FXYD7: variants seen among roughly 807,000 people sequenced by gnomAD.
FXYD7 encodes the protein FXYD domain containing ion transport regulator 7, also known as FXYD domain-containing ion transport regulator 7.
A neutral mutation model predicts 15.3 loss-of-function variants in FXYD7; 7 were observed. That is an observed-to-expected ratio of 0.46 (90% confidence interval 0.26 to 0.86). FXYD7 has a LOEUF of 0.86. Ranked by LOEUF, FXYD7 falls within the 40% of genes least tolerant of loss-of-function variation. The probability of loss-of-function intolerance (pLI) is 0.16; values close to 1 mark genes in which losing one functional copy is unlikely to be tolerated. For missense variants in FXYD7, 78 were observed against 100.6 expected (o/e 0.78, Z 0.96); for synonymous variants, 39 against 39.3 (o/e 0.99, Z 0.03).
Position 35,151,336 on chromosome 19 carries a change from C to T in FXYD7, c.136+8C>T, listed in dbSNP as rs368340429. On this transcript the variant is annotated splice_region_variant and intron_variant, in intron 3 of 5. Coordinates refer to ENST00000270310, the MANE Select transcript of FXYD7 (RefSeq NM_022006.2). ...GTATCCTCATCGTCATCAGTAAGTG[C>T]GACCCATTCCTGGGCTGCCTCAGCC... 29 of 1,599,198 alleles carry T rather than the reference C, an allele frequency of 1.8e-5. No individual in the cohort carries two copies. In the East Asian group the frequency reaches 2.0e-4, roughly 11 times the overall value.
At chr19:35,144,310 C>T (rs1393474697) in intron 1 of FXYD7, among the ~76,000 whole-genome samples, 3 of 152,102 alleles carry the variant, frequency 2.0e-5, no homozygotes, top group African/African-American at 7.2e-5. Flanking sequence ...CACCTAGCTG[C>T]CCCTACTGCC....
intron 2 of FXYD7, among the ~76,000 whole-genome samples, chr19:35,150,626 T>A (rs2065306393): frequency 6.6e-6 from 1 of 152,026 alleles, no homozygotes; most frequent in African/African-American, 2.4e-5. Context: ...GAACAGCCAG[T>A]GCAAAGGCCT....
At position 35,143,799 on chromosome 19, in the gene FXYD7, C is replaced by T. The variant is rs1179332468; in HGVS notation, c.31+435C>T. 6.6e-6 allele frequency among the ~76,000 whole-genome samples: 1 copy of T among 152,152 alleles called. No homozygotes were observed. Among genetic ancestry groups the T allele is most frequent in the Non-Finnish European group, 1.5e-5 (1 of 68,016 alleles). ...GTTCATGTCCCTCTTCTTTCCAGTG[C>T]TGTCTCCTAGGGTGTCTGTTTCCTG... is the stretch of plus-strand genomic sequence containing the variant. On this transcript the variant is annotated intron_variant, in intron 1 of 5. Coordinates refer to ENST00000270310, the MANE Select transcript of FXYD7 (RefSeq NM_022006.2). The surrounding 1 kb of genome is among the most constrained non-coding windows in gnomAD (Gnocchi z 4.3).
At chr19:35,149,134 AC>A (rs569238083) in intron 2 of FXYD7, 80 of 437,348 alleles carry the variant, frequency 1.8e-4, no homozygotes, top group African/African-American at 1.4e-3. Context: ...AATAGTTCCC[AC>A]CTATGAGGAC....
intron 1 of FXYD7, among the ~76,000 whole-genome samples, chr19:35,144,823 C>G (rs766354583): frequency 6.6e-6 from 1 of 152,268 alleles, no homozygotes; most frequent in Non-Finnish European, 1.5e-5. Context: ...CTGCCTCCCC[C>G]TTTCCCAGTC....
rs1230884175 is a variant in FXYD7 at position 35,151,320 on chromosome 19, T to C, written c.128T>C (p.Ile43Thr). 2 of 1,606,710 alleles carry C rather than the reference T, an allele frequency of 1.2e-6. No individual in the cohort carries two copies. The highest frequency in any genetic ancestry group is 1.7e-6 in the Non-Finnish European group (2 of 1,173,360). Residue 43 changes from isoleucine to threonine, a missense_variant, in exon 3 of 6, where the codon ATC becomes ACC. By Grantham distance (89) the Ile-to-Thr change is moderately conservative. Coordinates refer to ENST00000270310, the MANE Select transcript of FXYD7 (RefSeq NM_022006.2). Reference sequence around the variant, plus strand: ...ATCTTGTTCCTGCTGGGTATCCTCATCGTCATCAGTAAGTGCGACCCATTC... The same window carrying C: ...ATCTTGTTCCTGCTGGGTATCCTCACCGTCATCAGTAAGTGCGACCCATTC... ...ATILFLLGIL[I>T]VISKKVKCRK...
chr19:35,151,116 CT>C, intron 2 of FXYD7, 137 bp from the exon 3 acceptor site: 3 of 728,970 alleles, frequency 4.1e-6, no homozygotes, highest in Non-Finnish European at 7.6e-6. Context: ...CATCAACCCC[CT>C]GAAGGAGTGT....
intron 2 of FXYD7, among the ~76,000 whole-genome samples, chr19:35,150,182 G>T (rs2065304552): frequency 6.6e-6 from 1 of 152,172 alleles, no homozygotes; most frequent in Non-Finnish European, 1.5e-5. Context: ...CTCCCAAAGT[G>T]CTGAGATTAC....
Position 35,143,326 on chromosome 19 carries a change from G to C in FXYD7, c.-8G>C, listed in dbSNP as rs979796360. On this transcript the variant is annotated 5_prime_UTR_variant, in exon 1 of 6. Transcript: ENST00000270310. The surrounding 1 kb of genome is among the most constrained non-coding windows in gnomAD (Gnocchi z 4.3). ...AAAGCATCCAGCAGCCCCCTGCTCC[G>C]GCCCAGCATGGCGACCCCGACCCAG... 9 of 1,534,442 alleles carry C rather than the reference G, an allele frequency of 5.9e-6. No homozygotes were observed. Among genetic ancestry groups the C allele is most frequent in the Non-Finnish European group, 7.9e-6 (9 of 1,140,686 alleles).
chr19:35,149,149 G>T, intron 2 of FXYD7: 1 of 419,774 alleles, frequency 2.4e-6, no homozygotes. Flanking sequence ...TGAGGACTGT[G>T]GGAAAGATAC....
chr19:35,146,697 A>G (rs1243393225), intron 1 of FXYD7, among the ~76,000 whole-genome samples: 1 of 152,150 alleles, frequency 6.6e-6, no homozygotes, highest in Non-Finnish European at 1.5e-5. Flanking sequence ...TAATGCCACA[A>G]AATTCTGCCT....
intron 5 of FXYD7, among the ~76,000 whole-genome samples, chr19:35,152,283 A>G (rs1340044620): frequency 6.6e-6 from 1 of 151,764 alleles, no homozygotes; most frequent in Non-Finnish European, 1.5e-5. Context: ...CAAATGCTCA[A>G]GCCTATAAAA....
chr19:35,148,752 G>T (rs751987388), intron 2 of FXYD7, 29 bp downstream of exon 2: 1 of 1,601,852 alleles, frequency 6.2e-7, no homozygotes, highest in South Asian at 1.1e-5. Flanking sequence ...GATAGGGCTG[G>T]ACTGGGGAGT....
chr19:35,154,129 G>A lies in FXYD7; in HGVS notation c.*213G>A. ...AGAGCCCGTCTGCACCCCAGACCCAGGGCCTCAGGCCTCCAGCTCCTGGGA... is the reference window on the plus strand; with the variant it reads ...AGAGCCCGTCTGCACCCCAGACCCAAGGCCTCAGGCCTCCAGCTCCTGGGA... On this transcript the variant is annotated 3_prime_UTR_variant, in exon 6 of 6. Coordinates refer to ENST00000270310, the MANE Select transcript of FXYD7 (RefSeq NM_022006.2). 1 of 544,626 alleles carries A rather than the reference G, an allele frequency of 1.8e-6. No homozygotes were observed. Among genetic ancestry groups the A allele is most frequent in the Non-Finnish European group, 3.2e-6 (1 of 309,774 alleles). 33.7% of individuals were successfully genotyped at this position (544,626 alleles called of 1,614,324 possible). A position where few individuals can be genotyped will look rare whatever the true frequency, so the allele number is the denominator to read the frequency against.
intron 4 of FXYD7, 67 bp from the exon 5 acceptor site, chr19:35,151,566 C>T (rs1309900686): frequency 1.3e-5 from 20 of 1,587,838 alleles, no homozygotes; most frequent in African/African-American, 8.1e-5. Context: ...GCCTGCCATG[C>T]GTTTTCCCCA....
chr19:35,151,767 A>AGTGGCCGCG, intron 5 of FXYD7, 94 bp downstream of exon 5: 1 of 513,196 alleles, frequency 1.9e-6, no homozygotes, highest in Non-Finnish European at 3.9e-6. Flanking sequence ...GACTGGACGC[A>AGTGGCCGCG]GGGGGCGGAG....
At chr19:35,148,161 G>A (rs1034855449) in intron 1 of FXYD7, among the ~76,000 whole-genome samples, 35 of 152,186 alleles carry the variant, frequency 2.3e-4, no homozygotes, top group African/African-American at 8.4e-4. Flanking sequence ...AGTAATGTGG[G>A]GTATGAATCA....
chr19:35,152,036 G>A (rs557161675), intron 5 of FXYD7, among the ~76,000 whole-genome samples: 1 of 147,960 alleles, frequency 6.8e-6, no homozygotes, highest in East Asian at 2.0e-4. Context: ...CTACTCAGGA[G>A]GCTGAGGCAA....
At position 35,148,790 on chromosome 19, in the gene FXYD7, G is replaced by C; in HGVS notation, c.61+67G>C. ...CTGCAGGTGCTCACAGATCACTCCG[G>C]ACATGGCTTCAGCTGTGGCCACACG... On this transcript the variant is annotated intron_variant, in intron 2 of 5. Transcript: ENST00000270310. 4 of 1,392,094 alleles carry C rather than the reference G, an allele frequency of 2.9e-6. No homozygotes were observed. The East Asian group carries it at 9.1e-5, about 32-fold the overall frequency. The allele number at this position is 1,392,094 out of a possible 1,614,324, so 86.2% of individuals were successfully genotyped here. A position where few individuals can be genotyped will look rare whatever the true frequency, so the allele number is the denominator to read the frequency against.
Sources: gnomAD v4.1 joint callset for allele counts (sites outside exome capture counted in the v4.1 genomes callset) on GRCh38, gnomAD v4.1.1 for gene constraint, Gnocchi (gnomAD v3.1) non-coding constraint, MANE v1.5 for transcripts, NCBI Gene and HGNC (gene_info 2026-07-23, HGNC 2026-07-21) for gene names.